The following CELF4 variants were observed in gnomAD, a reference collection of about 807,000 sequenced individuals.
CELF4 encodes the protein CUG-BP- and ETR-3-like factor 4.
CELF4 carries 18 observed loss-of-function variants against 59.9 expected under a neutral mutation model. The observed-to-expected ratio is 0.30, with a 90% confidence interval of 0.21 to 0.45. The LOEUF is 0.45. Ranked by LOEUF, CELF4 falls within the 20% of genes least tolerant of loss-of-function variation. CELF4 has a pLI of 1.00. For missense variants in CELF4, 456 were observed against 689.0 expected, an observed-to-expected ratio of 0.66 and a Z score of 3.79; for synonymous variants, 261 against 267.1, an observed-to-expected ratio of 0.98 and a Z score of 0.22.
At chr18:37,338,420 T>TGTCACCATA (rs2097856852) in intron 2 of CELF4, among the ~76,000 whole-genome samples, 1 of 145,638 alleles carries the variant, frequency 6.9e-6, no homozygotes, top group African/African-American at 2.8e-5. Flanking sequence ...TTGTCACCAT[T>TGTCACCATA]ATCAGCACCT....
intron 1 of CELF4, among the ~76,000 whole-genome samples, chr18:37,552,753 G>C (rs1298153920): frequency 6.6e-6 from 1 of 152,246 alleles, no homozygotes; most frequent in Non-Finnish European, 1.5e-5. Context: ...CTTTCTGCTG[G>C]CTCCAGCTGG....
Position 37,401,257 on chromosome 18 carries a change from G to GGTCATCC in CELF4, c.370-79383_370-79377dup, listed in dbSNP as rs1375033171. 3.9e-5 allele frequency among the ~76,000 whole-genome samples: 6 copies of GGTCATCC among 152,340 alleles called. No individual in the cohort carries two copies. In the East Asian group the frequency reaches 1.2e-3, roughly 29 times the overall value. ...CATTGCAACTTCCCTTCTCCCACCA[G>GGTCATCC]GTCATCCTCTCCTTTAAAATTGAAC... On this transcript the variant is annotated intron_variant, in intron 2 of 12. Coordinates refer to ENST00000420428, the MANE Select transcript of CELF4 (RefSeq NM_020180.4).
chr18:37,359,450 T>G (rs1400099127), intron 2 of CELF4, among the ~76,000 whole-genome samples: 1 of 151,894 alleles, frequency 6.6e-6, no homozygotes, highest in East Asian at 2.0e-4. Flanking sequence ...CAAATGATCC[T>G]CCCTCCACAG....
At chr18:37,508,173 A>G (rs1053994743) in intron 1 of CELF4, among the ~76,000 whole-genome samples, 4 of 152,188 alleles carry the variant, frequency 2.6e-5, no homozygotes, top group African/African-American at 9.7e-5. Context: ...TTGCTATGGC[A>G]TATGAGACAG....
rs532719271 is a variant in CELF4 at position 37,363,520 on chromosome 18, G to C, written c.370-41639C>G. 2.0e-5 allele frequency among the ~76,000 whole-genome samples: 3 copies of C among 152,264 alleles called. No homozygotes were observed. In the East Asian group the frequency reaches 5.8e-4, roughly 29 times the overall value. Reference sequence around the variant, plus strand: ...GCACACAAAATCGGGACACAATGAGGGGTGGCAGGTGGCAGACGTTACCAG... The same window carrying C: ...GCACACAAAATCGGGACACAATGAGCGGTGGCAGGTGGCAGACGTTACCAG... On this transcript the variant is annotated intron_variant, in intron 2 of 12. Coordinates refer to ENST00000420428, the MANE Select transcript of CELF4 (RefSeq NM_020180.4).
chr18:37,403,235 G>A (rs2099350339), intron 2 of CELF4, among the ~76,000 whole-genome samples: 1 of 152,068 alleles, frequency 6.6e-6, no homozygotes, highest in Non-Finnish European at 1.5e-5. Flanking sequence ...CACATAATTC[G>A]GGCCTGAGTC....
At chr18:37,551,269 A>C (rs6507205) in intron 1 of CELF4, among the ~76,000 whole-genome samples, 1 of 152,024 alleles carries the variant, frequency 6.6e-6, no homozygotes, top group African/African-American at 2.4e-5. Context: ...TCCATAAGAG[A>C]GGAATCTCCC....
chr18:37,312,798 T>A (rs1163130436), intron 3 of CELF4, among the ~76,000 whole-genome samples: 1 of 152,158 alleles, frequency 6.6e-6, no homozygotes, highest in African/African-American at 2.4e-5. Flanking sequence ...ACTGGGCAGA[T>A]AACTATTCCC....
intron 2 of CELF4, among the ~76,000 whole-genome samples, chr18:37,380,458 C>T (rs931780377): frequency 6.6e-6 from 1 of 152,224 alleles, no homozygotes; most frequent in Non-Finnish European, 1.5e-5. Context: ...TGCCACCCAT[C>T]TACAAGTAAA....
intron 2 of CELF4, among the ~76,000 whole-genome samples, chr18:37,358,577 C>A (rs2154558587): frequency 6.6e-6 from 1 of 152,276 alleles, no homozygotes; most frequent in East Asian, 1.9e-4. Context: ...GGCAGGTACC[C>A]CCAAGACAAG....
intron 1 of CELF4, among the ~76,000 whole-genome samples, chr18:37,515,354 A>C (rs1016541476): frequency 4.0e-5 from 6 of 151,744 alleles, no homozygotes; most frequent in Non-Finnish European, 8.8e-5. Flanking sequence ...GTGTTGTCTG[A>C]CCCCGAGCTT....
In CELF4 at chr18:37,253,671, C is replaced by G; in HGVS notation, c.*44+96G>C. 1.1e-6 allele frequency: 1 copy of G among 928,564 alleles called. No homozygotes were observed. The highest frequency in any genetic ancestry group is 1.5e-6 in the Non-Finnish European group (1 of 656,918). The allele number at this position is 928,564 out of a possible 1,614,324, so 57.5% of individuals were successfully genotyped here. A position where few individuals can be genotyped will look rare whatever the true frequency, so the allele number is the denominator to read the frequency against. On this transcript the variant is annotated intron_variant, in intron 12 of 12. Transcript: ENST00000420428. This position sits in a 1 kb window ranked among gnomAD's most constrained non-coding sequence, Gnocchi z 4.5. ...AGCCGGGCGCAGCGGGTCCAAGGCA[C>G]CAGTGAGGGTCCGGCCCACGGAGGC...
At position 37,374,423 on chromosome 18, in the gene CELF4, C is replaced by T. The variant is rs376003883; in HGVS notation, c.370-52542G>A. Among the ~76,000 whole-genome samples the T allele has an allele frequency of 2.6e-5, 4 of 152,306 alleles. No homozygotes were observed. In the South Asian group the frequency reaches 8.3e-4, roughly 32 times the overall value. ...AGCTGGGGCTGGAACATCCATATTC[C>T]CTACCCTTCTGGAAGCCTCCTGAGG... On this transcript the variant is annotated intron_variant, in intron 2 of 12. Coordinates refer to ENST00000420428, the MANE Select transcript of CELF4 (RefSeq NM_020180.4).
chr18:37,271,180 T>C (rs1281508002), intron 7 of CELF4, among the ~76,000 whole-genome samples: 1 of 151,876 alleles, frequency 6.6e-6, no homozygotes, highest in Non-Finnish European at 1.5e-5. Context: ...CTGACCCTGA[T>C]GGCTTGTCCT....
intron 3 of CELF4, among the ~76,000 whole-genome samples, chr18:37,317,690 C>A (rs1376461178): frequency 6.6e-6 from 1 of 152,214 alleles, no homozygotes; most frequent in African/African-American, 2.4e-5. Context: ...AAGGCTGGCA[C>A]TGCCCTCACA....
At chr18:37,543,966 C>T (rs575128966) in intron 1 of CELF4, among the ~76,000 whole-genome samples, 170 of 151,974 alleles carry the variant, frequency 1.1e-3, no homozygotes, top group African/African-American at 3.7e-3. Context: ...GGAGGAGGCT[C>T]GGTGCGGTCT....
At chr18:37,248,706 G>T (rs1221377363) in intron 12 of CELF4, among the ~76,000 whole-genome samples, 2 of 152,178 alleles carry the variant, frequency 1.3e-5, no homozygotes, top group Non-Finnish European at 2.9e-5. Flanking sequence ...GAATCATCAG[G>T]TGATTCAACT....
At chr18:37,324,991 T>C (rs2097254802) in intron 2 of CELF4, among the ~76,000 whole-genome samples, 1 of 152,000 alleles carries the variant, frequency 6.6e-6, no homozygotes, top group Admixed American at 6.6e-5. Flanking sequence ...CTTGGGATGG[T>C]CCAGGAAAGT....
At chr18:37,443,821 C>G (rs1393399688) in intron 2 of CELF4, among the ~76,000 whole-genome samples, 1 of 152,188 alleles carries the variant, frequency 6.6e-6, no homozygotes, top group African/African-American at 2.4e-5. Flanking sequence ...CATCCGCCCT[C>G]CATTCGCCAG....
Sources: gnomAD v4.1 joint callset for allele counts (sites outside exome capture counted in the v4.1 genomes callset) on GRCh38, gnomAD v4.1.1 for gene constraint, Gnocchi (gnomAD v3.1) non-coding constraint, MANE v1.5 for transcripts, NCBI Gene and HGNC (gene_info 2026-07-23, HGNC 2026-07-21) for gene names.